The following MYO15A variants were observed in gnomAD, a reference collection of about 807,000 sequenced individuals.
The protein encoded by MYO15A is unconventional myosin-XV.
A neutral mutation model predicts 394.6 loss-of-function variants in MYO15A; 308 were observed. The ratio of observed to expected loss-of-function variants is 0.78; its 90% CI spans 0.71 to 0.86. The LOEUF is 0.86. MYO15A is among the 40% of genes least tolerant of loss of function. MYO15A has a pLI of 0.00. For synonymous variants in MYO15A, 1,957 were observed against 2,003.8 expected (o/e 0.98, Z 0.62); for missense variants, 4,606 against 4,799.1 (o/e 0.96, Z 1.19).
chr17:18,138,029 G>A, intron 16 of MYO15A, 86 bp from the exon 17 acceptor site: 1 of 1,417,398 alleles, frequency 7.1e-7, no homozygotes, highest in Non-Finnish European at 9.3e-7. Flanking sequence ...TGCTGGCCAG[G>A]CTCCTTCAGA....
At position 18,141,065 on chromosome 17, in the gene MYO15A, A is replaced by G. The variant is rs2046370153; in HGVS notation, c.5453A>G (p.Tyr1818Cys). The change falls in exon 22 of 66, where the codon TAT (tyrosine) becomes TGT (cysteine). Residue 1818 changes from tyrosine (Y) to cysteine (C), a missense_variant. Tyr to Cys is a radical substitution (Grantham distance 194, BLOSUM62 -2). This residue lies in a region of MYO15A where 2,776 missense variants were observed against 3,109.3 expected (regional missense o/e 0.89). Coordinates refer to ENST00000647165, the MANE Select transcript of MYO15A (RefSeq NM_016239.4). ...GATGTGGTAATGGCACAATTACGCT[A>G]TTCAGGGGTGCTGGAGACCGTGAGG... is the stretch of plus-strand genomic sequence containing the variant. The part of the protein sequence containing the change: ...EPDVVMAQLR[Y>C]SGVLETVRIR... 1 of 1,613,898 alleles carries G rather than the reference A, an allele frequency of 6.2e-7. No homozygotes were observed. Among genetic ancestry groups the G allele is most frequent in the African/African-American group, 1.3e-5 (1 of 74,926 alleles).
chr17:18,158,925 G>A lies in MYO15A; in HGVS notation c.9084G>A (p.Gln3028=). ...KYFRDPQRRP[Q]DGLRLKSKEP... Reference sequence around the variant, plus strand: ...CAGTAGCACCCACCTCCCACTGCAGGGATGGCCTCAGGCTGAAATCCAAGG... The same window carrying A: ...CAGTAGCACCCACCTCCCACTGCAGAGATGGCCTCAGGCTGAAATCCAAGG... Residue 3028 remains glutamine, a splice_region_variant and synonymous_variant, in exon 53 of 66, where the codon CAG becomes CAA. Transcript: ENST00000647165. The A allele has an allele frequency of 6.2e-7, 1 of 1,614,168 alleles. No individual in the cohort carries two copies. The highest frequency in any genetic ancestry group is 8.5e-7 in the Non-Finnish European group (1 of 1,179,998).
intron 17 of MYO15A, among the ~76,000 whole-genome samples, chr17:18,138,469 T>C (rs980242311): frequency 5.3e-5 from 8 of 152,114 alleles, no homozygotes; most frequent in African/African-American, 1.9e-4. Context: ...CCACAGAAGG[T>C]TTCCTGGAGT....
rs1555539827 is a variant in MYO15A, at chr17:18,121,822, AC to A, written c.3026del (p.Pro1009LeufsTer49). On this transcript the variant is annotated frameshift_variant, in exon 2 of 66. Coordinates refer to ENST00000647165, the MANE Select transcript of MYO15A (RefSeq NM_016239.4). LOFTEE classifies it high-confidence loss of function. This position sits in a 1 kb window ranked among gnomAD's most constrained non-coding sequence, Gnocchi z 5.3. ...ACAGCTCACCAAATCAGCTGGCCCA[AC>A]CCCTGAGAAGCCTGAAGAAGAGGCC... is the stretch of plus-strand genomic sequence containing the variant. ...PGQLTKSAGPTPEKPEEEATL... is the reference protein window; with the variant it reads ...PGQLTKSAGPXPEKPEEEATL... The A allele has an allele frequency of 3.1e-6, 5 of 1,612,812 alleles. No homozygotes were observed. Among genetic ancestry groups the A allele is most frequent in the Non-Finnish European group, 4.2e-6 (5 of 1,179,930 alleles).
Position 18,139,589 on chromosome 17 carries a change from T to C in MYO15A, c.5189T>C (p.Leu1730Pro). ...CAAGTGCGCCAGGATGTGCTGGACC[T>C]GTTCGTACGGAGCCGGACACGGGTA... Reference protein sequence around the residue: ...HDQVRQDVLDLFVRSRTRVVA... With the variant: ...HDQVRQDVLDPFVRSRTRVVA... Residue 1730 changes from leucine (L) to proline (P), a missense_variant, in exon 19 of 66, where the codon CTG becomes CCG. Around this residue, in one of 2 missense-constraint regions of MYO15A, gnomAD observed 2,776 missense variants for 3,109.3 expected, o/e 0.89. Transcript: ENST00000647165. 6.2e-7 allele frequency: 1 copy of C among 1,614,064 alleles called. No homozygotes were observed. The highest frequency in any genetic ancestry group is 1.1e-5 in the South Asian group (1 of 91,072).
At chr17:18,159,237 T>C in intron 53 of MYO15A, 38 bp from the exon 54 acceptor site, 1 of 1,608,808 alleles carries the variant, frequency 6.2e-7, no homozygotes, top group Non-Finnish European at 8.5e-7. Flanking sequence ...TTCTGACGTG[T>C]CCCTCCTCCA....
Position 18,136,662 on chromosome 17 carries a change from C to A in MYO15A, c.4755C>A (p.Ala1585=). The A allele has an allele frequency of 6.2e-7, 1 of 1,610,864 alleles. No homozygotes were observed. Among genetic ancestry groups the A allele is most frequent in the Non-Finnish European group, 8.5e-7 (1 of 1,179,300 alleles). ...VSPRQDTLSI[A]ILDIYGFEDL... is the part of the protein sequence containing the mutation. ...CAAGGCAGGACACACTGTCCATCGCCATCCTGGACATCTATGGTTTCGAGG... is the reference window on the plus strand; with the variant it reads ...CAAGGCAGGACACACTGTCCATCGCAATCCTGGACATCTATGGTTTCGAGG... Residue 1585 remains alanine (A), a synonymous_variant, in exon 15 of 66, where the codon GCC becomes GCA. Transcript: ENST00000647165.
chr17:18,120,871 G>T lies in MYO15A; in HGVS notation c.2071G>T (p.Ala691Ser). ...SPALSGLPRP[A>S]SPYGSLRRHP... ...GGCGCTCTCGGGCCTGCCCCGGCCG[G>T]CCTCGCCCTACGGCTCCCTCCGCCG... is the stretch of plus-strand genomic sequence containing the variant. Residue 691 changes from alanine to serine, a missense_variant, in exon 2 of 66, where the codon GCC becomes TCC. This residue lies in a region of MYO15A where 1,830 missense variants were observed against 1,689.7 expected (regional missense o/e 1.08). Coordinates refer to ENST00000647165, the MANE Select transcript of MYO15A (RefSeq NM_016239.4). 1 of 1,293,842 alleles carries T rather than the reference G, an allele frequency of 7.7e-7. No homozygotes were observed. The highest frequency in any genetic ancestry group is 9.8e-7 in the Non-Finnish European group (1 of 1,018,098). 80.1% of individuals were successfully genotyped at this position (1,293,842 alleles called of 1,614,324 possible). A position where few individuals can be genotyped will look rare whatever the true frequency, so the allele number is the denominator to read the frequency against.
At chr17:18,155,247 C>G (rs764026873) in intron 46 of MYO15A, 22 bp downstream of exon 46, 1 of 1,613,878 alleles carries the variant, frequency 6.2e-7, no homozygotes, top group South Asian at 1.1e-5. Context: ...TCACTTGCCC[C>G]CTACCTGTCC....
intron 60 of MYO15A, 31 bp downstream of exon 60, chr17:18,163,869 C>T: frequency 2.5e-6 from 4 of 1,602,272 alleles, no homozygotes; most frequent in Non-Finnish European, 3.4e-6. Flanking sequence ...GCATGCTGGG[C>T]CCATTCCCAT....
chr17:18,159,451 C>A, intron 54 of MYO15A, 104 bp downstream of exon 54: 1 of 1,496,058 alleles, frequency 6.7e-7, no homozygotes, highest in Non-Finnish European at 9.3e-7. Flanking sequence ...TTCTTTCCCT[C>A]CCGCCAGCTC....
Position 18,120,204 on chromosome 17 carries a change from G to T in MYO15A, c.1404G>T (p.Arg468Ser), listed in dbSNP as rs756953866. 2 of 1,612,730 alleles carry T rather than the reference G, an allele frequency of 1.2e-6. No individual in the cohort carries two copies. The highest frequency in any genetic ancestry group is 2.7e-5 in the African/African-American group (2 of 74,956). The change falls in exon 2 of 66, where the codon AGG becomes AGT. Residue 468 changes from arginine to serine, a missense_variant. This residue lies in a region of MYO15A where 1,830 missense variants were observed against 1,689.7 expected (regional missense o/e 1.08). Transcript: ENST00000647165. ...AGCAAGGCATGGATAAGCCCGCCAG[G>T]TCCAAGCTGTCCCTCATCCGCAAGT... ...FEQQGMDKPA[R>S]SKLSLIRKFR... is the part of the protein sequence containing the mutation.
chr17:18,163,394 G>C (rs752700576), intron 59 of MYO15A, 73 bp downstream of exon 59: 1 of 1,485,412 alleles, frequency 6.7e-7, no homozygotes, highest in Admixed American at 1.7e-5. Context: ...CTCCAGGATG[G>C]GGGTGGAGTA....
intron 24 of MYO15A, 86 bp downstream of exon 24, chr17:18,142,340 T>C: frequency 6.8e-7 from 1 of 1,465,984 alleles, no homozygotes; most frequent in Non-Finnish European, 9.3e-7. Flanking sequence ...GTGAGCTCCC[T>C]ATCCCTGGAG....
intron 5 of MYO15A, 108 bp from the exon 6 acceptor site, chr17:18,126,683 G>A: frequency 2.3e-6 from 3 of 1,328,506 alleles, no homozygotes; most frequent in East Asian, 2.3e-5. Flanking sequence ...ACAGGGTGAG[G>A]GGTGGGCAGG....
intron 2 of MYO15A, 129 bp from the exon 3 acceptor site, chr17:18,124,354 C>T (rs2045992758): frequency 3.4e-6 from 3 of 883,388 alleles, no homozygotes; most frequent in Middle Eastern, 2.1e-4. Flanking sequence ...AGGAGACCTG[C>T]AGGACCCACC....
intron 28 of MYO15A, among the ~76,000 whole-genome samples, 164 bp from the exon 29 acceptor site, chr17:18,144,333 G>A (rs577539176): frequency 5.0e-4 from 62 of 124,592 alleles, no homozygotes; most frequent in African/African-American, 1.8e-3. Context: ...ACTTGCTGAG[G>A]GCCACTGTGG....
At chr17:18,129,116 AATG>A (rs1183246098) in intron 7 of MYO15A, among the ~76,000 whole-genome samples, 3 of 152,176 alleles carry the variant, frequency 2.0e-5, no homozygotes, top group East Asian at 3.9e-4. Flanking sequence ...CTGGCACCAT[AATG>A]ATCAACCCTC....
intron 4 of MYO15A, among the ~76,000 whole-genome samples, chr17:18,125,900 T>C (rs1158983082): frequency 6.6e-6 from 1 of 151,914 alleles, no homozygotes; most frequent in Non-Finnish European, 1.5e-5. Context: ...GCCTCTGACC[T>C]GAGAATGACA....
Sources: allele counts gnomAD v4.1 joint callset (sites outside exome capture counted in the v4.1 genomes callset), GRCh38; gene constraint gnomAD v4.1.1; regional missense constraint gnomAD v4.1.1; non-coding constraint Gnocchi (gnomAD v3.1); transcripts MANE v1.5; gene names NCBI Gene and HGNC (gene_info 2026-07-23, HGNC 2026-07-21).